Variants in FBN2 observed in about 807,000 individuals in gnomAD.
FBN2 encodes the protein fibrillin 2, also known as fibrillin-2.
Under a neutral mutation model 355.6 loss-of-function variants are expected in FBN2, and 105 were observed. The observed-to-expected ratio is 0.30, with a 90% CI of 0.25 to 0.35. The LOEUF is 0.35. FBN2 is among the 10% of genes least tolerant of loss of function. The pLI is 1.00. For missense variants in FBN2, 3,280 were observed against 3,758.7 expected, an observed-to-expected ratio of 0.87 and a Z score of 3.33; for synonymous variants, 1,350 against 1,301.2, an observed-to-expected ratio of 1.04 and a Z score of -0.81.
intron 55 of FBN2, among the ~76,000 whole-genome samples, chr5:128,284,207 T>G (rs908587350): frequency 5.9e-5 from 9 of 152,200 alleles, no homozygotes; most frequent in African/African-American, 2.2e-4. Context: ...TTCATGTGAA[T>G]TTTTTAATTT....
intron 7 of FBN2, chr5:128,442,043 C>T (rs1753936167): frequency 4.5e-6 from 1 of 224,004 alleles, no homozygotes; most frequent in African/African-American, 2.3e-5. Flanking sequence ...TTTATCTAAG[C>T]AGAGTTGGAA....
chr5:128,407,386 A>G (rs765044239), intron 8 of FBN2, among the ~76,000 whole-genome samples: 1 of 152,156 alleles, frequency 6.6e-6, no homozygotes, highest in Admixed American at 6.5e-5. Flanking sequence ...CCTCCTCTTA[A>G]TAAGAATAAT....
At chr5:128,534,279 G>T (rs577941478) in intron 2 of FBN2, among the ~76,000 whole-genome samples, 1 of 152,090 alleles carries the variant, frequency 6.6e-6, no homozygotes, top group South Asian at 2.1e-4. Context: ...CATCAGGAAG[G>T]CCTGGAATTA....
chr5:128,300,731 G>A (rs962748292), intron 48 of FBN2, 86 bp downstream of exon 48: 8 of 1,358,732 alleles, frequency 5.9e-6, no homozygotes, highest in Non-Finnish European at 8.4e-6. Context: ...GCTTGCAGTG[G>A]TTGGCACTTA....
At chr5:128,266,698 TTC>T (rs1223489104) in intron 62 of FBN2, among the ~76,000 whole-genome samples, 3 of 152,132 alleles carry the variant, frequency 2.0e-5, no homozygotes, top group Non-Finnish European at 2.9e-5. Context: ...TTAAAAAAAA[TTC>T]TGTTTGATAG....
At chr5:128,408,420 C>A (rs943190969) in intron 8 of FBN2, among the ~76,000 whole-genome samples, 1 of 152,138 alleles carries the variant, frequency 6.6e-6, no homozygotes, top group African/African-American at 2.4e-5. Context: ...AAAAATTTTT[C>A]TCGTGCCTTT....
chr5:128,513,414 G>C (rs1230156793), intron 5 of FBN2, among the ~76,000 whole-genome samples: 1 of 152,054 alleles, frequency 6.6e-6, no homozygotes, highest in Non-Finnish European at 1.5e-5. Flanking sequence ...TGTTGAAACA[G>C]GAAAACAAGA....
At chr5:128,316,505 C>T (rs1011432553) in intron 36 of FBN2, among the ~76,000 whole-genome samples, 2 of 152,098 alleles carry the variant, frequency 1.3e-5, no homozygotes, top group Admixed American at 6.6e-5. Flanking sequence ...CCATACAAAT[C>T]GAATTGCTTC....
chr5:128,384,398 A>G (rs1365158440), intron 11 of FBN2, among the ~76,000 whole-genome samples: 2 of 152,100 alleles, frequency 1.3e-5, no homozygotes, highest in African/African-American at 4.8e-5. Context: ...GTTTATTGGT[A>G]TACACATATC....
chr5:128,464,962 A>G (rs1210288638), intron 5 of FBN2, 41 bp from the exon 6 acceptor site: 3 of 1,583,348 alleles, frequency 1.9e-6, no homozygotes, highest in Admixed American at 1.7e-5. Context: ...TTTTATGATC[A>G]TATACTAATC....
intron 2 of FBN2, among the ~76,000 whole-genome samples, chr5:128,534,812 A>AT (rs1307580257): frequency 6.6e-6 from 1 of 152,170 alleles, no homozygotes; most frequent in African/African-American, 2.4e-5. Context: ...GACTTTACAG[A>AT]TTTTCAACAC....
rs1308272561 is a variant in FBN2, at chr5:128,489,418, A to T, written c.629-24497T>A. On this transcript the variant is annotated intron_variant, in intron 5 of 64. Coordinates refer to ENST00000262464, the MANE Select transcript of FBN2 (RefSeq NM_001999.4). Reference sequence around the variant, plus strand: ...TTATTTAGCTGTTTCTTCTTATTTGAATTTGTTTTTCTCTTTTACATGCTT... The same window carrying T: ...TTATTTAGCTGTTTCTTCTTATTTGTATTTGTTTTTCTCTTTTACATGCTT... Among the ~76,000 whole-genome samples the T allele has an allele frequency of 3.4e-5, 5 of 147,186 alleles. No individual in the cohort carries two copies. The South Asian group carries it at 8.6e-4, about 25-fold the overall frequency.
intron 19 of FBN2, among the ~76,000 whole-genome samples, chr5:128,360,870 G>C (rs961795590): frequency 3.3e-5 from 5 of 151,422 alleles, no homozygotes; most frequent in Admixed American, 3.3e-4. Flanking sequence ...AGTCATCAAA[G>C]ATGAAATCTT....
At chr5:128,314,336 TA>T (rs1285193245) in intron 36 of FBN2, among the ~76,000 whole-genome samples, 1 of 152,204 alleles carries the variant, frequency 6.6e-6, no homozygotes, top group East Asian at 1.9e-4. Context: ...TTTGTTTATT[TA>T]TTTTTTGGGG....
chr5:128,479,167 A>G (rs1220781990), intron 5 of FBN2, among the ~76,000 whole-genome samples: 2 of 152,224 alleles, frequency 1.3e-5, no homozygotes, highest in Non-Finnish European at 2.9e-5. Context: ...TTGCCAAACT[A>G]TTGCTTAAAT....
At chr5:128,403,747 A>T (rs548420377) in intron 8 of FBN2, among the ~76,000 whole-genome samples, 2 of 152,218 alleles carry the variant, frequency 1.3e-5, no homozygotes, top group South Asian at 4.2e-4. Context: ...CTATGCTAAA[A>T]AACAGTTCTT....
intron 32 of FBN2, among the ~76,000 whole-genome samples, chr5:128,331,467 G>A (rs557812462): frequency 6.6e-5 from 10 of 152,290 alleles, no homozygotes; most frequent in African/African-American, 2.4e-4. Flanking sequence ...GAGGGTGATG[G>A]ACAATGAAGC....
At chr5:128,467,809 T>C (rs943700197) in intron 5 of FBN2, among the ~76,000 whole-genome samples, 1 of 152,178 alleles carries the variant, frequency 6.6e-6, no homozygotes, top group African/African-American at 2.4e-5. Context: ...AACACAAATA[T>C]TGCTAGTTTG....
At chr5:128,372,492 A>AT (rs896149751) in intron 15 of FBN2, among the ~76,000 whole-genome samples, 4 of 151,952 alleles carry the variant, frequency 2.6e-5, no homozygotes, top group Middle Eastern at 3.4e-3. Context: ...TGATTCATTT[A>AT]TTTTTTCTAT....
Sources: gnomAD v4.1 joint callset for allele counts (sites outside exome capture counted in the v4.1 genomes callset) on GRCh38, gnomAD v4.1.1 for gene constraint, MANE v1.5 for transcripts, NCBI Gene and HGNC (gene_info 2026-07-23, HGNC 2026-07-21) for gene names.